The following AK9 variants were observed in gnomAD, a reference collection of about 807,000 sequenced individuals.
AK9 encodes adenylate kinase domain containing 1.
In AK9, 191 loss-of-function variants were observed where a neutral mutation model predicts 239.6. The ratio of observed to expected loss-of-function variants is 0.80; its 90% CI spans 0.71 to 0.90. The LOEUF is 0.90. AK9 is among the 40% of genes least tolerant of loss of function. AK9 has a pLI of 0.00. For missense variants in AK9, 1,995 were observed against 2,214.7 expected (o/e 0.90, Z 1.99); for synonymous variants, 689 against 721.0 (o/e 0.96, Z 0.71).
Position 109,493,471 on chromosome 6 carries a change from C to T in AK9, c.5634G>A (p.Lys1878=), listed in dbSNP as rs752323425. ...GAGGTTCCTTGTATTTTCTGGTCAT[C>T]TTGGCACCCAAGTATGTTATGAGTT... ...SCELITYLGA[K]MTRKYKEPQF... The change falls in exon 41 of 41, where the codon AAG becomes AAA. Residue 1878 remains lysine (K), a synonymous_variant. Transcript: ENST00000424296. The T allele has an allele frequency of 5.6e-6, 9 of 1,614,036 alleles. No homozygotes were observed. In the Admixed American group the frequency reaches 1.3e-4, roughly 24 times the overall value.
rs745973170 is a variant in AK9 at position 109,499,042 on chromosome 6, A to T, written c.5046+2T>A. 1 of 1,504,182 alleles carries T rather than the reference A, an allele frequency of 6.6e-7. No homozygotes were observed. The highest frequency in any genetic ancestry group is 8.9e-7 in the Non-Finnish European group (1 of 1,121,290). 93.2% of individuals were successfully genotyped at this position (1,504,182 alleles called of 1,614,324 possible). The stretch of plus-strand genomic sequence containing the variant: ...AATATTTGGAGTTAGGAACAAACTT[A>T]CATTCAGTTTTTCCTGAGAACTCAT... On this transcript the variant is annotated splice_donor_variant, in intron 36 of 40. Coordinates refer to ENST00000424296, the MANE Select transcript of AK9 (RefSeq NM_001145128.3). LOFTEE classifies it high-confidence loss of function.
intron 26 of AK9, among the ~76,000 whole-genome samples, chr6:109,544,371 C>T (rs958777636): frequency 2.0e-5 from 3 of 152,126 alleles, no homozygotes; most frequent in Non-Finnish European, 4.4e-5. Context: ...GCCCAAATCT[C>T]ATGTGGAATT....
intron 17 of AK9, among the ~76,000 whole-genome samples, chr6:109,592,515 C>T (rs886934369): frequency 2.2e-4 from 32 of 142,576 alleles, no homozygotes; most frequent in African/African-American, 6.9e-4. Context: ...GGCACTATCT[C>T]GGCTCACTGC....
At chr6:109,507,355 A>T (rs1778216978) in intron 33 of AK9, among the ~76,000 whole-genome samples, 1 of 148,462 alleles carries the variant, frequency 6.7e-6, no homozygotes, top group Admixed American at 6.8e-5. Flanking sequence ...AAAAAAAAAA[A>T]GTGTGCTCCA....
chr6:109,604,308 T>A (rs568355961), intron 17 of AK9, among the ~76,000 whole-genome samples: 1 of 152,338 alleles, frequency 6.6e-6, no homozygotes, highest in South Asian at 2.1e-4. Context: ...GTGTCTGGAA[T>A]CCTTGACCAT....
In AK9 at chr6:109,632,862, CATAGATAG is replaced by C. The variant is rs3060798; in HGVS notation, c.1254+53_1254+60del. 1,736 of 1,253,992 alleles carry C rather than the reference CATAGATAG, an allele frequency of 1.4e-3. 16 individuals are homozygous for C. In the African/African-American group the frequency reaches 0.021, roughly 15 times the overall value. 77.7% of individuals were successfully genotyped at this position (1,253,992 alleles called of 1,614,324 possible). On this transcript the variant is annotated intron_variant, in intron 12 of 40. Transcript: ENST00000424296. ...CGAGTATAGATACATGACAGATAGA[CATAGATAG>C]ATAGATAGATAGATAGATAGATAGA...
At chr6:109,667,569 C>T (rs1299854478) in intron 5 of AK9, among the ~76,000 whole-genome samples, 2 of 151,154 alleles carry the variant, frequency 1.3e-5, no homozygotes, top group African/African-American at 4.9e-5. Flanking sequence ...CATCCCACAA[C>T]AGGCTCCAGT....
intron 5 of AK9, among the ~76,000 whole-genome samples, chr6:109,669,404 G>C (rs1801748179): frequency 6.6e-6 from 1 of 151,942 alleles, no homozygotes; most frequent in South Asian, 2.1e-4. Flanking sequence ...TGACTGCCCT[G>C]GCCAGAACTT....
chr6:109,502,303 G>A (rs114447744), intron 35 of AK9, among the ~76,000 whole-genome samples: 3,165 of 152,198 alleles, frequency 0.021, 98 homozygotes, highest in African/African-American at 0.073. Flanking sequence ...GACCTTATTC[G>A]GAAATAGGGT....
At chr6:109,621,914 A>AG (rs1794886161) in intron 12 of AK9, among the ~76,000 whole-genome samples, 1 of 38,646 alleles carries the variant, frequency 2.6e-5, no homozygotes, top group African/African-American at 7.0e-5. Flanking sequence ...AAAAAAAAAC[A>AG]AAAAAAAAAC....
At chr6:109,529,982 A>G (rs373660881) in intron 28 of AK9, among the ~76,000 whole-genome samples, 1 of 152,126 alleles carries the variant, frequency 6.6e-6, no homozygotes. Flanking sequence ...TGGCCTAACA[A>G]ACCTAAAAAT....
intron 24 of AK9, among the ~76,000 whole-genome samples, chr6:109,561,231 C>T (rs1034455843): frequency 6.6e-5 from 10 of 152,090 alleles, no homozygotes; most frequent in African/African-American, 2.2e-4. Flanking sequence ...GGATTACAGG[C>T]GTGAGCCACC....
chr6:109,513,379 A>G (rs538945730), intron 32 of AK9, among the ~76,000 whole-genome samples: 2 of 152,200 alleles, frequency 1.3e-5, no homozygotes, highest in Non-Finnish European at 2.9e-5. Context: ...TAACTTGGGA[A>G]ACTTACTCTT....
rs190216102 is a variant in AK9, at chr6:109,583,405, G to A, written c.2114+1718C>T. On this transcript the variant is annotated intron_variant, in intron 19 of 40. Coordinates refer to ENST00000424296, the MANE Select transcript of AK9 (RefSeq NM_001145128.3). ...CTGGAAAAGTTTTAAAATTTAGCAT[G>A]TCTTTAGATATTTGATCAAGATGCA... 3.3e-5 allele frequency among the ~76,000 whole-genome samples: 5 copies of A among 152,230 alleles called. No individual in the cohort carries two copies. In the East Asian group the frequency reaches 9.6e-4, roughly 29 times the overall value.
At chr6:109,597,550 G>A (rs1791210670) in intron 17 of AK9, among the ~76,000 whole-genome samples, 1 of 152,142 alleles carries the variant, frequency 6.6e-6, no homozygotes, top group South Asian at 2.1e-4. Flanking sequence ...GCGGGCGCCT[G>A]TAGCCCCAGC....
intron 10 of AK9, among the ~76,000 whole-genome samples, chr6:109,638,588 C>T (rs1796999154): frequency 6.6e-6 from 1 of 152,102 alleles, no homozygotes; most frequent in Non-Finnish European, 1.5e-5. Context: ...CAGCTGATCC[C>T]CCCACCTCAG....
At chr6:109,667,952 G>A (rs996197796) in intron 5 of AK9, among the ~76,000 whole-genome samples, 7 of 152,106 alleles carry the variant, frequency 4.6e-5, no homozygotes, top group African/African-American at 1.7e-4. Context: ...GATATTTCTA[G>A]TTCTAGATCC....
At chr6:109,534,606 T>A (rs780449203) in intron 27 of AK9, among the ~76,000 whole-genome samples, 18 of 151,404 alleles carry the variant, frequency 1.2e-4, no homozygotes, top group African/African-American at 3.4e-4. Context: ...ATATATATAT[T>A]TTTATTTAAT....
chr6:109,541,610 A>G lies in AK9; in HGVS notation c.3350+437T>C, dbSNP rs549745541. ...TTTTTAGTAGAGACAGAGTTTCTCC[A>G]TGTTGGTCAGGCTGGTCTCGAACTC... is the stretch of plus-strand genomic sequence containing the variant. On this transcript the variant is annotated intron_variant, in intron 27 of 40. Transcript: ENST00000424296. 1.1e-3 allele frequency among the ~76,000 whole-genome samples: 170 copies of G among 152,244 alleles called. 1 individual carries two copies. Among genetic ancestry groups the G allele is most frequent in the East Asian group, 5.8e-4 (3 of 5,174 alleles).
Sources: allele counts gnomAD v4.1 joint callset (sites outside exome capture counted in the v4.1 genomes callset), GRCh38; gene constraint gnomAD v4.1.1; transcripts MANE v1.5; gene names NCBI Gene and HGNC (gene_info 2026-07-23, HGNC 2026-07-21).